The following SPATC1L variants were observed in gnomAD, a reference collection of about 807,000 sequenced individuals.
SPATC1L encodes spermatogenesis and centriole associated 1 like.
SPATC1L carries 20 observed loss-of-function variants against 21.2 expected under a neutral mutation model. The ratio of observed to expected loss-of-function variants is 0.94; its 90% CI spans 0.66 to 1.37. The LOEUF is 1.37. SPATC1L is among the 40% of genes most tolerant of loss of function. The probability of loss-of-function intolerance (pLI) is 0.00; values close to 1 mark genes in which losing one functional copy is unlikely to be tolerated. For missense variants in SPATC1L, 499 were observed against 478.7 expected (o/e 1.04, Z -0.40); for synonymous variants, 290 against 234.5 (o/e 1.24, Z -2.16).
Position 46,170,786 on chromosome 21 carries a change from G to A in SPATC1L, c.194-2128C>T, listed in dbSNP as rs555809405. Among the ~76,000 whole-genome samples the A allele has an allele frequency of 3.6e-3, 459 of 127,348 alleles. 23 individuals carry two copies. Among genetic ancestry groups the A allele is most frequent in the African/African-American group, 0.016 (445 of 27,834 alleles). The allele number at this position is 127,348 out of a possible 152,430, so 83.5% of individuals were successfully genotyped here. A position where few individuals can be genotyped will look rare whatever the true frequency, so the allele number is the denominator to read the frequency against. On this transcript the variant is annotated intron_variant, in intron 2 of 4. Transcript: ENST00000291672. ...GCTCTGTGAACATCCTCTGTGGATG[G>A]GGAGGAGCCCTCTGCTCTCTGAACA...
rs747537035 is a variant in SPATC1L, at chr21:46,161,499, G to A, written c.903C>T (p.Ala301=). ...LRANPLHSSP[A]ALRKLVIDVV... Reference sequence around the variant, plus strand: ...CGTCGATGACCAGCTTGCGCAGCGCGGCCGGGCTGCTGTGCAGGGGGTTGG... The same window carrying A: ...CGTCGATGACCAGCTTGCGCAGCGCAGCCGGGCTGCTGTGCAGGGGGTTGG... The change falls in exon 5 of 5, where the codon GCC becomes GCT. Residue 301 remains alanine (A), a synonymous_variant. Transcript: ENST00000291672. 26 of 1,607,202 alleles carry A rather than the reference G, an allele frequency of 1.6e-5. No individual in the cohort carries two copies. The highest frequency in any genetic ancestry group is 4.5e-5 in the East Asian group (2 of 44,648).
intron 2 of SPATC1L, among the ~76,000 whole-genome samples, chr21:46,171,958 A>AG (rs2123639157): frequency 7.2e-6 from 1 of 139,186 alleles, no homozygotes; most frequent in South Asian, 2.3e-4. Flanking sequence ...AAAAAAAAAA[A>AG]AAAACCATGG....
chr21:46,167,310 A>G (rs1235910552), intron 3 of SPATC1L, among the ~76,000 whole-genome samples: 1 of 152,252 alleles, frequency 6.6e-6, no homozygotes, highest in African/African-American at 2.4e-5. Context: ...GTAAGTGCTA[A>G]GAGTTTATAG....
At chr21:46,162,660 C>T (rs867751260) in intron 3 of SPATC1L, among the ~76,000 whole-genome samples, 1 of 149,864 alleles carries the variant, frequency 6.7e-6, no homozygotes, top group Middle Eastern at 3.4e-3. Flanking sequence ...CATCTCCACT[C>T]ACCGCAACCT....
chr21:46,163,524 T>C lies in SPATC1L; in HGVS notation c.545-1457A>G, dbSNP rs181067451. Among the ~76,000 whole-genome samples the C allele has an allele frequency of 6.6e-5, 10 of 152,346 alleles. No individual in the cohort carries two copies. The East Asian group carries it at 1.9e-3, about 29-fold the overall frequency. ...TTGATCCATTTTGAGTTAATTTGTG[T>C]ATGTGGTGTGGAGTAAGGCCCAGCC... On this transcript the variant is annotated intron_variant, in intron 3 of 4. Coordinates refer to ENST00000291672, the MANE Select transcript of SPATC1L (RefSeq NM_001142854.2).
At chr21:46,173,025 A>C (rs1266333486) in intron 2 of SPATC1L, among the ~76,000 whole-genome samples, 1 of 152,206 alleles carries the variant, frequency 6.6e-6, no homozygotes, top group South Asian at 2.1e-4. Context: ...AGCTGCTTAG[A>C]GAAGTGATGG....
At chr21:46,175,639 C>G (rs1211144487) in intron 2 of SPATC1L, among the ~76,000 whole-genome samples, 1 of 152,094 alleles carries the variant, frequency 6.6e-6, no homozygotes, top group East Asian at 1.9e-4. Flanking sequence ...ACACCAATAA[C>G]AAGCTCTAAA....
At position 46,182,819 on chromosome 21, in the gene SPATC1L, C is replaced by A. The variant is rs760074300; in HGVS notation, c.-3G>T. 2.6e-6 allele frequency: 4 copies of A among 1,527,746 alleles called. No individual in the cohort carries two copies. In the South Asian group the frequency reaches 3.7e-5, roughly 14 times the overall value. The allele number at this position is 1,527,746 out of a possible 1,614,324, so 94.6% of individuals were successfully genotyped here. On this transcript the variant is annotated 5_prime_UTR_variant, in exon 2 of 5. Coordinates refer to ENST00000291672, the MANE Select transcript of SPATC1L (RefSeq NM_001142854.2). ...ATCAGCTCGCCGCCTTCAGCCATGG[C>A]GGGTGCGTCCCTCCTTGTCCCTCAC...
intron 2 of SPATC1L, among the ~76,000 whole-genome samples, chr21:46,170,770 A>G (rs371396024): frequency 4.2e-5 from 5 of 118,808 alleles, no homozygotes; most frequent in African/African-American, 8.0e-5. Flanking sequence ...TGCTCTGTGA[A>G]CATCCTCTGT....
intron 3 of SPATC1L, among the ~76,000 whole-genome samples, chr21:46,162,590 C>CTTTTTT (rs3057184): frequency 0.29 from 39,030 of 133,226 alleles, 6,860 homozygotes; most frequent in Non-Finnish European, 0.33. Context: ...GTTGGCAGGA[C>CTTTTTT]TTTTTTTTTT....
At chr21:46,181,820 C>T (rs1291384352) in intron 2 of SPATC1L, among the ~76,000 whole-genome samples, 1 of 152,200 alleles carries the variant, frequency 6.6e-6, no homozygotes, top group Non-Finnish European at 1.5e-5. Context: ...GAATCCCAGG[C>T]AGTGCTGGGT....
At chr21:46,174,028 C>A (rs1601387936) in intron 2 of SPATC1L, among the ~76,000 whole-genome samples, 1 of 152,234 alleles carries the variant, frequency 6.6e-6, no homozygotes, top group Non-Finnish European at 1.5e-5. Flanking sequence ...ACAATCAAAA[C>A]CTCAAGGTCA....
chr21:46,182,428 G>A (rs1416769572), intron 2 of SPATC1L, among the ~76,000 whole-genome samples, 196 bp downstream of exon 2: 1 of 152,216 alleles, frequency 6.6e-6, no homozygotes, highest in Non-Finnish European at 1.5e-5. Flanking sequence ...GCCAGCGACC[G>A]AAGGGGAGGG....
At chr21:46,162,696 C>T (rs1187054063) in intron 3 of SPATC1L, among the ~76,000 whole-genome samples, 2 of 151,682 alleles carry the variant, frequency 1.3e-5, no homozygotes, top group South Asian at 2.1e-4. Flanking sequence ...AAGCGATTCT[C>T]CTGCCTCAGC....
Position 46,161,388 on chromosome 21 carries a change from G to A in SPATC1L, c.1014C>T (p.Phe338=), listed in dbSNP as rs764920210. The A allele has an allele frequency of 1.1e-5, 17 of 1,518,988 alleles. No homozygotes were observed. Among genetic ancestry groups the A allele is most frequent in the East Asian group, 9.2e-5 (4 of 43,576 alleles). The allele number at this position is 1,518,988 out of a possible 1,614,324, so 94.1% of individuals were successfully genotyped here. A position where few individuals can be genotyped will look rare whatever the true frequency, so the allele number is the denominator to read the frequency against. ...GCGGGCGCGGGGCGGCTCACCAGGC[G>A]AAGAGGGGCTTGCCGTCCTCCTTGG... is the stretch of plus-strand genomic sequence containing the variant. ...ELSKEDGKPL[F]AW The change falls in exon 5 of 5, where the codon TTC becomes TTT. Residue 338 remains phenylalanine, a synonymous_variant. Coordinates refer to ENST00000291672, the MANE Select transcript of SPATC1L (RefSeq NM_001142854.2).
intron 3 of SPATC1L, among the ~76,000 whole-genome samples, chr21:46,162,590 C>CTTTTTTTTTTTTTTTTTTTTTTTTTT (rs3057184): frequency 2.2e-5 from 3 of 133,394 alleles, no homozygotes; most frequent in African/African-American, 3.0e-5. Context: ...GTTGGCAGGA[C>CTTTTTTTTTTTTTTTTTTTTTTTTTT]TTTTTTTTTT....
At chr21:46,176,316 C>T (rs760984144) in intron 2 of SPATC1L, among the ~76,000 whole-genome samples, 2 of 152,052 alleles carry the variant, frequency 1.3e-5, no homozygotes, top group Non-Finnish European at 2.9e-5. Context: ...TAAAGCCCAT[C>T]CAAATAGAAA....
Position 46,182,995 on chromosome 21 carries a change from C to T in SPATC1L, c.-179G>A, listed in dbSNP as rs1456733967. Reference sequence around the variant, plus strand: ...GTGCCCAGCACCCTGCCTGCCCCCGCGATGGCTCATGGCCCCGTTGAGGCA... The same window carrying T: ...GTGCCCAGCACCCTGCCTGCCCCCGTGATGGCTCATGGCCCCGTTGAGGCA... On this transcript the variant is annotated 5_prime_UTR_variant, in exon 2 of 5. Coordinates refer to ENST00000291672, the MANE Select transcript of SPATC1L (RefSeq NM_001142854.2). 8.0e-6 allele frequency: 5 copies of T among 624,370 alleles called. No individual in the cohort carries two copies. Among genetic ancestry groups the T allele is most frequent in the Admixed American group, 3.6e-5 (1 of 27,998 alleles). 38.7% of individuals were successfully genotyped at this position (624,370 alleles called of 1,614,324 possible). A position where few individuals can be genotyped will look rare whatever the true frequency, so the allele number is the denominator to read the frequency against.
intron 2 of SPATC1L, among the ~76,000 whole-genome samples, chr21:46,177,556 A>G (rs2079641379): frequency 6.6e-6 from 1 of 152,258 alleles, no homozygotes; most frequent in Non-Finnish European, 1.5e-5. Context: ...ACAATGAGAC[A>G]CCATCTCACA....
Sources: gnomAD v4.1 joint callset for allele counts (sites outside exome capture counted in the v4.1 genomes callset) on GRCh38, gnomAD v4.1.1 for gene constraint, MANE v1.5 for transcripts, NCBI Gene and HGNC (gene_info 2026-07-23, HGNC 2026-07-21) for gene names.